Variants in PALLD observed in about 807,000 individuals in gnomAD.
PALLD encodes palladin, cytoskeletal associated protein.
PALLD carries 61 observed loss-of-function variants against 123.5 expected under a neutral mutation model. That is an observed-to-expected ratio of 0.49 (90% CI 0.40 to 0.61). PALLD has a LOEUF of 0.61. Among genes scored for constraint, PALLD ranks in the 20% least tolerant of loss-of-function variants. PALLD has a pLI of 0.00. For missense variants in PALLD, 1,273 were observed against 1,377.0 expected (o/e 0.92, Z 1.20); for synonymous variants, 465 against 496.4 (o/e 0.94, Z 0.84).
intron 2 of PALLD, among the ~76,000 whole-genome samples, chr4:168,521,278 T>C (rs983295642): frequency 1.3e-5 from 2 of 152,158 alleles, no homozygotes; most frequent in African/African-American, 4.8e-5. Flanking sequence ...CAGAAGCGCT[T>C]AGTGGTGGAC....
intron 10 of PALLD, among the ~76,000 whole-genome samples, chr4:168,771,788 G>C (rs942259906): frequency 1.3e-5 from 2 of 152,164 alleles, no homozygotes; most frequent in South Asian, 4.2e-4. Flanking sequence ...TGGGGACCCT[G>C]GATGTTTGAA....
chr4:168,823,912 C>A (rs1429464685), intron 10 of PALLD, among the ~76,000 whole-genome samples: 2 of 152,194 alleles, frequency 1.3e-5, no homozygotes, highest in African/African-American at 4.8e-5. Flanking sequence ...CCAGTTTATT[C>A]ATTGCTACAC....
intron 2 of PALLD, among the ~76,000 whole-genome samples, chr4:168,660,040 A>C (rs1778978283): frequency 6.6e-6 from 1 of 152,172 alleles, no homozygotes; most frequent in Admixed American, 6.5e-5. Context: ...ATTATCATAA[A>C]AATCAACACC....
At chr4:168,706,512 A>G (rs1431619656) in intron 8 of PALLD, among the ~76,000 whole-genome samples, 1 of 152,198 alleles carries the variant, frequency 6.6e-6, no homozygotes, top group Non-Finnish European at 1.5e-5. Context: ...GAAGCTTATA[A>G]TCACCGTAGT....
chr4:168,915,804 A>AC, intron 16 of PALLD, 91 bp from the exon 17 acceptor site: 1 of 952,728 alleles, frequency 1.0e-6, no homozygotes, highest in Non-Finnish European at 1.7e-6. Flanking sequence ...TCATATTATT[A>AC]CCCCATGTAT....
intron 10 of PALLD, among the ~76,000 whole-genome samples, chr4:168,712,552 G>A (rs1784933772): frequency 6.6e-6 from 1 of 152,162 alleles, no homozygotes; most frequent in South Asian, 2.1e-4. Flanking sequence ...AACCTTGCAT[G>A]AGCTGTTTCC....
At chr4:168,715,812 T>C (rs1196341680) in intron 10 of PALLD, among the ~76,000 whole-genome samples, 1 of 151,990 alleles carries the variant, frequency 6.6e-6, no homozygotes, top group East Asian at 1.9e-4. Context: ...TAGCCGGGCG[T>C]GGTGGCAGGT....
At chr4:168,596,280 A>G (rs567632770) in intron 2 of PALLD, among the ~76,000 whole-genome samples, 1 of 152,270 alleles carries the variant, frequency 6.6e-6, no homozygotes, top group East Asian at 1.9e-4. Context: ...TGCTATAAAG[A>G]TACTGTAAAA....
At chr4:168,608,942 A>C (rs955372264) in intron 2 of PALLD, among the ~76,000 whole-genome samples, 40 of 151,242 alleles carry the variant, frequency 2.6e-4, no homozygotes, top group African/African-American at 9.7e-4. Context: ...AGGCACCCAG[A>C]GTTTCTTCCA....
intron 10 of PALLD, among the ~76,000 whole-genome samples, chr4:168,818,130 T>C (rs888964360): frequency 6.6e-6 from 1 of 152,210 alleles, no homozygotes; most frequent in Non-Finnish European, 1.5e-5. Flanking sequence ...TGATCATGCT[T>C]CAAGAAAATG....
chr4:168,645,427 C>T (rs1205661081), intron 2 of PALLD, among the ~76,000 whole-genome samples: 1 of 152,128 alleles, frequency 6.6e-6, no homozygotes, highest in Non-Finnish European at 1.5e-5. Context: ...CAGCGTCGTG[C>T]CATCCACAGT....
intron 10 of PALLD, among the ~76,000 whole-genome samples, chr4:168,720,196 C>T (rs1053415531): frequency 1.3e-5 from 2 of 152,300 alleles, no homozygotes; most frequent in South Asian, 4.2e-4. Context: ...TACACATATA[C>T]ACAAAATGCT....
At position 168,758,592 on chromosome 4, in the gene PALLD, G is replaced by A. The variant is rs138403157; in HGVS notation, c.1964+46669G>A. ...TCTCCCTGTGGATATGAGTTTGTTG[G>A]TATTTTAGTCTGCTTGGAAACAGTC... On this transcript the variant is annotated intron_variant, in intron 10 of 21. Transcript: ENST00000505667. Among the ~76,000 whole-genome samples, 562 of 152,126 alleles carry A rather than the reference G, an allele frequency of 3.7e-3. 1 individual carries two copies. The highest frequency in any genetic ancestry group is 0.013 in the African/African-American group (521 of 41,496).
At chr4:168,575,627 G>A (rs147012579) in intron 2 of PALLD, among the ~76,000 whole-genome samples, 43 of 152,080 alleles carry the variant, frequency 2.8e-4, no homozygotes, top group African/African-American at 8.9e-4. Context: ...CAAGTCTCTC[G>A]GAGCTGCCGT....
chr4:168,711,508 C>T (rs1327219909), intron 9 of PALLD, 73 bp from the exon 10 acceptor site: 7 of 1,046,928 alleles, frequency 6.7e-6, no homozygotes, highest in African/African-American at 1.6e-5. Context: ...TCTCAGAAGA[C>T]TCTGACAGTG....
chr4:168,875,537 T>C (rs888808814), intron 10 of PALLD, among the ~76,000 whole-genome samples: 2 of 152,158 alleles, frequency 1.3e-5, no homozygotes, highest in Admixed American at 6.5e-5. Context: ...CCCTGCATAT[T>C]ATATTCTTGA....
rs1301230071 is a variant in PALLD at position 168,781,838 on chromosome 4, TTGAAAAGATGTGA to T, written c.1964+69922_1964+69934del. Among the ~76,000 whole-genome samples, 4 of 152,272 alleles carry T rather than the reference TTGAAAAGATGTGA, an allele frequency of 2.6e-5. No homozygotes were observed. The East Asian group carries it at 7.7e-4, about 29-fold the overall frequency. Reference sequence around the variant, plus strand: ...AGCTAAAAGTCATGCCATCATTATATTGAAAAGATGTGATGAAAAAGTAATGTACCCACTGACT... The same window carrying T: ...AGCTAAAAGTCATGCCATCATTATATTGAAAAAGTAATGTACCCACTGACT... On this transcript the variant is annotated intron_variant, in intron 10 of 21. Transcript: ENST00000505667.
intron 10 of PALLD, among the ~76,000 whole-genome samples, chr4:168,803,510 C>T (rs934299874): frequency 6.6e-6 from 1 of 152,080 alleles, no homozygotes; most frequent in African/African-American, 2.4e-5. Context: ...CATAGAAAGA[C>T]CCTGTCTCTA....
chr4:168,710,293 CTTTTCTTTTT>C (rs1784711627), intron 9 of PALLD, among the ~76,000 whole-genome samples: 1 of 134,346 alleles, frequency 7.4e-6, no homozygotes, highest in Non-Finnish European at 1.7e-5. Context: ...CTTTTCTTTT[CTTTTCTTTTT>C]ATTTGTCTGT....
Sources: allele counts gnomAD v4.1 joint callset (sites outside exome capture counted in the v4.1 genomes callset), GRCh38; gene constraint gnomAD v4.1.1; transcripts MANE v1.5; gene names NCBI Gene and HGNC (gene_info 2026-07-23, HGNC 2026-07-21).